Variants in MARCHF1 observed in about 807,000 individuals in gnomAD.
MARCHF1 encodes the protein membrane associated ring-CH-type finger 1.
In MARCHF1, 40 loss-of-function variants were observed where a neutral mutation model predicts 54.2. That is an observed-to-expected ratio of 0.74 (90% CI 0.57 to 0.96). The LOEUF (loss-of-function observed/expected upper bound fraction) is 0.96, where lower values mean the gene tolerates loss of function less well. MARCHF1 is among the 40% of genes least tolerant of loss of function. MARCHF1 has a pLI of 0.00. For synonymous variants in MARCHF1, 236 were observed against 236.3 expected, an observed-to-expected ratio of 1.00 and a Z score of 0.01; for missense variants, 586 against 656.5, an observed-to-expected ratio of 0.89 and a Z score of 1.17.
At chr4:164,073,346 G>A (rs1754909557) in intron 2 of MARCHF1, among the ~76,000 whole-genome samples, 2 of 152,194 alleles carry the variant, frequency 1.3e-5, no homozygotes, top group Admixed American at 1.3e-4. Context: ...GTCCTTTGCA[G>A]GGATATGGAT....
At chr4:163,662,081 T>A (rs371176038) in intron 5 of MARCHF1, among the ~76,000 whole-genome samples, 2 of 152,154 alleles carry the variant, frequency 1.3e-5, no homozygotes, top group South Asian at 4.1e-4. Flanking sequence ...TTTTTCTTCC[T>A]TTTTTGGTAT....
In MARCHF1 at chr4:164,043,780, A is replaced by G. The variant is rs556259272; in HGVS notation, c.-247-55071T>C. ...TAAATATAAGTTCCAATTTCAGACC[A>G]TTTCTTTCTCCATGCATATGAGCAT... On this transcript the variant is annotated intron_variant, in intron 2 of 9. Transcript: ENST00000514618. Among the ~76,000 whole-genome samples the G allele has an allele frequency of 2.7e-4, 41 of 152,272 alleles. No individual in the cohort carries two copies. In the South Asian group the frequency reaches 4.4e-3, roughly 16 times the overall value.
intron 1 of MARCHF1, among the ~76,000 whole-genome samples, chr4:164,281,128 A>G (rs926177043): frequency 6.6e-6 from 1 of 152,210 alleles, no homozygotes; most frequent in Non-Finnish European, 1.5e-5. Flanking sequence ...ATCTTCAGGT[A>G]CATAGGCATC....
intron 4 of MARCHF1, among the ~76,000 whole-genome samples, chr4:163,790,957 A>G (rs1747759231): frequency 6.6e-6 from 1 of 152,266 alleles, no homozygotes; most frequent in African/African-American, 2.4e-5. Context: ...CGCACTTACC[A>G]TGTTTTCAGT....
At chr4:164,167,075 A>C (rs1730400852) in intron 1 of MARCHF1, among the ~76,000 whole-genome samples, 1 of 151,742 alleles carries the variant, frequency 6.6e-6, no homozygotes, top group African/African-American at 2.4e-5. Context: ...GCCTGCATCA[A>C]TATAATGAGA....
chr4:164,182,027 G>A (rs918501992), intron 1 of MARCHF1, among the ~76,000 whole-genome samples: 2 of 151,980 alleles, frequency 1.3e-5, no homozygotes, highest in South Asian at 2.1e-4. Context: ...TCAGGTAAAA[G>A]GTAATTTTTT....
At chr4:163,984,849 GAT>G (rs1752831248) in intron 3 of MARCHF1, among the ~76,000 whole-genome samples, 1 of 152,082 alleles carries the variant, frequency 6.6e-6, no homozygotes, top group African/African-American at 2.4e-5. Context: ...AGGCAAATAA[GAT>G]ATAAAGAGGG....
chr4:164,017,686 G>T, intron 2 of MARCHF1, among the ~76,000 whole-genome samples: 1 of 151,660 alleles, frequency 6.6e-6, no homozygotes, highest in East Asian at 1.9e-4. Context: ...ATTATTGTAC[G>T]TTTATTTGAG....
chr4:164,266,212 G>A (rs534636836), intron 1 of MARCHF1, among the ~76,000 whole-genome samples: 2 of 152,230 alleles, frequency 1.3e-5, no homozygotes, highest in South Asian at 4.1e-4. Flanking sequence ...TTCATCTCAG[G>A]TTTACCTTTT....
At chr4:163,998,965 T>C (rs990680193) in intron 2 of MARCHF1, among the ~76,000 whole-genome samples, 8 of 151,858 alleles carry the variant, frequency 5.3e-5, no homozygotes, top group African/African-American at 1.7e-4. Flanking sequence ...TTTGGATATA[T>C]AGCAAATAGA....
chr4:164,145,005 A>T (rs1729630513), intron 1 of MARCHF1, among the ~76,000 whole-genome samples: 1 of 135,416 alleles, frequency 7.4e-6, no homozygotes, highest in Non-Finnish European at 1.5e-5. Flanking sequence ...CACCGATCCC[A>T]CAGAAATACG....
chr4:164,300,741 A>G (rs941160814), intron 1 of MARCHF1, among the ~76,000 whole-genome samples: 1 of 152,118 alleles, frequency 6.6e-6, no homozygotes, highest in Non-Finnish European at 1.5e-5. Flanking sequence ...GGGTTGTGCC[A>G]TGTTGTCCAG....
chr4:163,706,066 T>TAC (rs1221944184), intron 4 of MARCHF1, among the ~76,000 whole-genome samples: 2 of 152,210 alleles, frequency 1.3e-5, no homozygotes, highest in Non-Finnish European at 2.9e-5. Context: ...TAACTGAATA[T>TAC]ACACCTTCAC....
At chr4:164,221,303 T>A (rs1476648344) in intron 1 of MARCHF1, among the ~76,000 whole-genome samples, 1 of 151,908 alleles carries the variant, frequency 6.6e-6, no homozygotes, top group African/African-American at 2.4e-5. Flanking sequence ...ATTAGGGAGA[T>A]CAGGTATCTA....
intron 2 of MARCHF1, among the ~76,000 whole-genome samples, chr4:164,015,539 T>C (rs1477152419): frequency 2.0e-5 from 3 of 152,176 alleles, no homozygotes; most frequent in Non-Finnish European, 4.4e-5. Flanking sequence ...TGTGAGAAAG[T>C]GTTTGTAAAC....
intron 3 of MARCHF1, among the ~76,000 whole-genome samples, chr4:163,934,386 T>C (rs1751748153): frequency 6.6e-6 from 1 of 150,864 alleles, no homozygotes; most frequent in African/African-American, 2.4e-5. Flanking sequence ...TAGAAATGCT[T>C]CATCTCTGCA....
At chr4:163,861,110 G>A (rs1749919614) in intron 3 of MARCHF1, among the ~76,000 whole-genome samples, 1 of 152,168 alleles carries the variant, frequency 6.6e-6, no homozygotes, top group Admixed American at 6.6e-5. Flanking sequence ...CCCAGAGAAG[G>A]AAGCTCTAAG....
intron 4 of MARCHF1, among the ~76,000 whole-genome samples, chr4:163,705,292 A>G (rs1744917508): frequency 6.6e-6 from 1 of 151,728 alleles, no homozygotes; most frequent in South Asian, 2.1e-4. Flanking sequence ...GCGTAAATGA[A>G]ACTTCAGATG....
At chr4:164,143,802 G>T (rs1287757219) in intron 1 of MARCHF1, among the ~76,000 whole-genome samples, 5 of 152,226 alleles carry the variant, frequency 3.3e-5, no homozygotes, top group African/African-American at 1.2e-4. Context: ...ATAATGACAG[G>T]ATCAAATTCA....
Sources: gnomAD v4.1 joint callset for allele counts (sites outside exome capture counted in the v4.1 genomes callset) on GRCh38, gnomAD v4.1.1 for gene constraint, MANE v1.5 for transcripts, NCBI Gene and HGNC (gene_info 2026-07-23, HGNC 2026-07-21) for gene names.